MAP7D1: variants seen among roughly 807,000 people sequenced by gnomAD.
The protein encoded by MAP7D1 is MAP7 domain containing 1.
A neutral mutation model predicts 97.5 loss-of-function variants in MAP7D1; 30 were observed. That is an observed-to-expected ratio of 0.31 (90% confidence interval 0.23 to 0.42). The LOEUF (loss-of-function observed/expected upper bound fraction) is 0.42, where lower values mean the gene tolerates loss of function less well. MAP7D1 is among the 10% of genes least tolerant of loss of function. MAP7D1 has a pLI of 1.00. For synonymous variants in MAP7D1, 536 were observed against 477.1 expected (o/e 1.12, Z -1.61); for missense variants, 1,184 against 1,179.5 (o/e 1.00, Z -0.06).
rs769585091 is a variant in MAP7D1 at position 36,178,180 on chromosome 1, C to G, written c.1687C>G (p.Pro563Ala). The G allele has an allele frequency of 6.4e-7, 1 of 1,573,234 alleles. No individual in the cohort carries two copies. The highest frequency in any genetic ancestry group is 8.6e-7 in the Non-Finnish European group (1 of 1,160,676). The change falls in exon 9 of 17, where the codon CCC (proline) becomes GCC (alanine). Residue 563 changes from proline (P) to alanine (A), a missense_variant. By Grantham distance (27) the Pro-to-Ala change is conservative (BLOSUM62 -1). Transcript: ENST00000474796. ...CCCAGCCCCGCCCCAGAAGGAGCAG[C>G]CCCCCGCGGAGACCCCTACAGGTAG... ...PTPAPPQKEQ[P>A]PAETPTDAAV...
chr1:36,176,943 G>C lies in MAP7D1; in HGVS notation c.1379+101G>C, dbSNP rs963309669. 16 of 997,062 alleles carry C rather than the reference G, an allele frequency of 1.6e-5. No homozygotes were observed. The highest frequency in any genetic ancestry group is 2.1e-5 in the Non-Finnish European group (14 of 669,742). 61.8% of individuals were successfully genotyped at this position (997,062 alleles called of 1,614,324 possible). A position where few individuals can be genotyped will look rare whatever the true frequency, so the allele number is the denominator to read the frequency against. ...ACCACCTCTAGAATGCAACTTCCCT[G>C]AGGGCAGATTCTCTCTGTTTTGTTT... On this transcript the variant is annotated intron_variant, in intron 8 of 16. Transcript: ENST00000474796. The surrounding 1 kb of genome is among the most constrained non-coding windows in gnomAD (Gnocchi z 6.1).
rs1644684423 is a variant in MAP7D1, at chr1:36,179,459, G to T, written c.2185-56G>T. ...GCAAGGGGAGGGCCGAACTCAGTCC[G>T]AAGTGGCTGGGGCCGGCTGTCCCTT... On this transcript the variant is annotated intron_variant, in intron 13 of 16. Coordinates refer to ENST00000474796, the MANE Select transcript of MAP7D1 (RefSeq NM_001388490.1). The T allele has an allele frequency of 5.1e-6, 8 of 1,578,314 alleles. No individual in the cohort carries two copies. The Admixed American group carries it at 1.3e-4, about 25-fold the overall frequency.
At chr1:36,178,845 C>T (rs1254478587) in intron 11 of MAP7D1, 22 bp downstream of exon 11, 2 of 1,526,858 alleles carry the variant, frequency 1.3e-6, no homozygotes. Flanking sequence ...GGGCGGGAAG[C>T]GGCTGGGCGC....
rs1644650668 is a variant in MAP7D1, at chr1:36,177,867, T to C, written c.1380-6T>C. 6.5e-7 allele frequency: 1 copy of C among 1,527,612 alleles called. No individual in the cohort carries two copies. The allele number at this position is 1,527,612 out of a possible 1,614,324, so 94.6% of individuals were successfully genotyped here. A position where few individuals can be genotyped will look rare whatever the true frequency, so the allele number is the denominator to read the frequency against. The stretch of plus-strand genomic sequence containing the variant: ...CCTAACCCTTCCCTTTTCCCTTTTC[T>C]CTTAGCCCCAAATCCAAGGCCAGGC... On this transcript the variant is annotated splice_region_variant and splice_polypyrimidine_tract_variant and intron_variant, in intron 8 of 16. Coordinates refer to ENST00000474796, the MANE Select transcript of MAP7D1 (RefSeq NM_001388490.1).
In MAP7D1 at chr1:36,156,455, C is replaced by A. The variant is rs745390462; in HGVS notation, c.38C>A (p.Ala13Glu). 1 of 1,470,502 alleles carries A rather than the reference C, an allele frequency of 6.8e-7. No homozygotes were observed. The highest frequency in any genetic ancestry group is 1.3e-5 in the South Asian group (1 of 76,974). 91.1% of individuals were successfully genotyped at this position (1,470,502 alleles called of 1,614,324 possible). ...SGPRAELGAG[A>E]PPAVVARTPP... is the part of the protein sequence containing the mutation. The stretch of plus-strand genomic sequence containing the variant: ...CCGCGTGCGGAGCTGGGGGCGGGCG[C>A]ACCCCCAGGTATGCCGGGAGCCACG... The change falls in exon 1 of 17, where the codon GCA becomes GAA. Residue 13 changes from alanine (A) to glutamate (E), a missense_variant. Transcript: ENST00000474796.
intron 6 of MAP7D1, among the ~76,000 whole-genome samples, chr1:36,175,336 C>T (rs773871142): frequency 2.0e-5 from 3 of 152,138 alleles, no homozygotes; most frequent in Non-Finnish European, 2.9e-5. Context: ...GCAACCACAG[C>T]CAGCTGGTCT....
chr1:36,177,115 A>AT (rs1301110824), intron 8 of MAP7D1, among the ~76,000 whole-genome samples: 1 of 151,908 alleles, frequency 6.6e-6, no homozygotes, highest in Non-Finnish European at 1.5e-5. Flanking sequence ...CGCTCGGCTA[A>AT]TTTTTTGTAT....
At position 36,161,931 on chromosome 1, in the gene MAP7D1, T is replaced by A. The variant is rs575534023; in HGVS notation, c.46+5468T>A. Among the ~76,000 whole-genome samples, 76 of 151,686 alleles carry A rather than the reference T, an allele frequency of 5.0e-4. 1 individual carries two copies. The highest frequency in any genetic ancestry group is 1.7e-3 in the African/African-American group (72 of 41,202). Reference sequence around the variant, plus strand: ...TGTGTGAGAGAGAGAGGAGAATATGTCTTGTCTCTCGCCATTGTGCAGGCC... The same window carrying A: ...TGTGTGAGAGAGAGAGGAGAATATGACTTGTCTCTCGCCATTGTGCAGGCC... On this transcript the variant is annotated intron_variant, in intron 1 of 16. Coordinates refer to ENST00000474796, the MANE Select transcript of MAP7D1 (RefSeq NM_001388490.1).
Position 36,180,484 on chromosome 1 carries a change from TC to T in MAP7D1, c.*231del. 2 of 610,816 alleles carry T rather than the reference TC, an allele frequency of 3.3e-6. No homozygotes were observed. The highest frequency in any genetic ancestry group is 5.8e-6 in the Non-Finnish European group (2 of 343,398). 37.8% of individuals were successfully genotyped at this position (610,816 alleles called of 1,614,324 possible). A position where few individuals can be genotyped will look rare whatever the true frequency, so the allele number is the denominator to read the frequency against. ...TGCTCGCACGCGCAGACATCCCTTC[TC>T]CCCCATACACACATATACACTCACA... On this transcript the variant is annotated 3_prime_UTR_variant, in exon 17 of 17. Transcript: ENST00000474796.
At chr1:36,175,051 G>A in intron 6 of MAP7D1, 43 bp downstream of exon 6, 1 of 1,353,288 alleles carries the variant, frequency 7.4e-7, no homozygotes, top group Admixed American at 1.7e-5. Flanking sequence ...GCCCCTTGTA[G>A]CTCCCACCAA....
chr1:36,163,805 T>C (rs963298300), intron 1 of MAP7D1, among the ~76,000 whole-genome samples: 3 of 146,920 alleles, frequency 2.0e-5, no homozygotes, highest in East Asian at 2.0e-4. Context: ...CACATAGATA[T>C]ATACTTTTTT....
At chr1:36,168,072 G>A (rs1049230059) in intron 1 of MAP7D1, among the ~76,000 whole-genome samples, 8 of 152,080 alleles carry the variant, frequency 5.3e-5, no homozygotes, top group Non-Finnish European at 8.8e-5. Context: ...TGAGGAGGGC[G>A]GATCACGAGG....
intron 1 of MAP7D1, among the ~76,000 whole-genome samples, chr1:36,161,740 G>A (rs1427956500): frequency 6.6e-6 from 1 of 152,124 alleles, no homozygotes; most frequent in Non-Finnish European, 1.5e-5. Context: ...TCTGTGTGCT[G>A]TGTGTGTCTC....
At chr1:36,170,488 T>C (rs1489246514) in intron 1 of MAP7D1, among the ~76,000 whole-genome samples, 1 of 34,320 alleles carries the variant, frequency 2.9e-5, no homozygotes, top group African/African-American at 3.5e-4. Context: ...GAGGCAGACA[T>C]GGAAACAATC....
intron 8 of MAP7D1, chr1:36,177,539 C>G: frequency 1.7e-6 from 1 of 593,588 alleles, no homozygotes; most frequent in Non-Finnish European, 3.3e-6. Context: ...ACAACAACAA[C>G]AACAACAAAA....
In MAP7D1 at chr1:36,176,355, G is replaced by A. The variant is rs1271801802; in HGVS notation, c.1007G>A (p.Trp336Ter). Residue 336 changes from tryptophan (W) to a stop codon, truncating the protein, a stop_gained, in exon 7 of 17, where the codon TGG becomes TAG. Transcript: ENST00000474796. LOFTEE classifies it high-confidence loss of function. The surrounding 1 kb of genome is among the most constrained non-coding windows in gnomAD (Gnocchi z 6.1). ...RGCDPGRGPT[W>*]GRAGASLARG... is the part of the protein sequence containing the mutation. ...TGCGACCCTGGGAGAGGCCCCACGT[G>A]GGGCCGGGCAGGGGCCAGCCTGGCG... The A allele has an allele frequency of 1.3e-6, 2 of 1,526,486 alleles. No homozygotes were observed. The highest frequency in any genetic ancestry group is 2.5e-5 in the East Asian group (1 of 39,878). 94.6% of individuals were successfully genotyped at this position (1,526,486 alleles called of 1,614,324 possible).
intron 1 of MAP7D1, among the ~76,000 whole-genome samples, chr1:36,157,633 C>G (rs1644355227): frequency 6.6e-6 from 1 of 152,162 alleles, no homozygotes; most frequent in Non-Finnish European, 1.5e-5. Flanking sequence ...TGGCCCCATC[C>G]CCACACCCCC....
intron 1 of MAP7D1, among the ~76,000 whole-genome samples, chr1:36,163,902 A>T (rs913909600): frequency 7.4e-6 from 1 of 134,296 alleles, no homozygotes; most frequent in African/African-American, 2.9e-5. Flanking sequence ...GTCTCAGATC[A>T]CTGCAGCTTC....
chr1:36,157,960 A>G (rs1486132135), intron 1 of MAP7D1, among the ~76,000 whole-genome samples: 2 of 152,058 alleles, frequency 1.3e-5, no homozygotes, highest in African/African-American at 4.8e-5. Flanking sequence ...CCTGAGTCCA[A>G]CCTCAGCTTA....
Sources: allele counts gnomAD v4.1 joint callset (sites outside exome capture counted in the v4.1 genomes callset), GRCh38; gene constraint gnomAD v4.1.1; non-coding constraint Gnocchi (gnomAD v3.1); transcripts MANE v1.5; gene names NCBI Gene and HGNC (gene_info 2026-07-23, HGNC 2026-07-21).